Variants in USP50 observed in about 807,000 individuals in gnomAD.
The protein encoded by USP50 is ubiquitin specific peptidase 50.
USP50 carries 37 observed loss-of-function variants against 39.2 expected under a neutral mutation model. That is an observed-to-expected ratio of 0.94 (90% CI 0.73 to 1.24). The LOEUF (loss-of-function observed/expected upper bound fraction) is 1.24. USP50 is among the 50% of genes most tolerant of loss of function. The pLI is 0.00. For synonymous variants in USP50, 139 were observed against 144.5 expected, an observed-to-expected ratio of 0.96 and a Z score of 0.27; for missense variants, 374 against 398.2, an observed-to-expected ratio of 0.94 and a Z score of 0.52.
chr15:50,529,322 C>T (rs2052922046), intron 6 of USP50, among the ~76,000 whole-genome samples: 1 of 147,588 alleles, frequency 6.8e-6, no homozygotes, highest in Non-Finnish European at 1.5e-5. Flanking sequence ...CCAGCATGGG[C>T]AGCATAGTGA....
rs1402605761 is a variant in USP50 at position 50,543,606 on chromosome 15, G to A, written c.436C>T (p.Leu146=). The stretch of plus-strand genomic sequence containing the variant: ...TCATTAACTCTACTTACCTTTTTTA[G>A]AGCTTCATGAAGTTCATTTAGGACA... The part of the protein sequence containing the change: ...ICVLNELHEA[L]KKYHYSRRRS... Residue 146 remains leucine, a synonymous_variant, in exon 3 of 7, where the codon CTA becomes TTA. Transcript: ENST00000532404. The A allele has an allele frequency of 1.9e-5, 30 of 1,612,702 alleles. No homozygotes were observed. The highest frequency in any genetic ancestry group is 2.5e-5 in the Non-Finnish European group (29 of 1,179,354).
chr15:50,544,617 A>T lies in USP50; in HGVS notation c.218T>A (p.Leu73His), dbSNP rs368144464. The T allele has an allele frequency of 3.7e-6, 6 of 1,613,604 alleles. No individual in the cohort carries two copies. The highest frequency in any genetic ancestry group is 5.1e-6 in the Non-Finnish European group (6 of 1,179,826). ...CSILPLVEYF[L>H]TGKYITALQN... ...CAGAGCGGTGATATACTTCCCGGTG[A>T]GAAAGTATTCCACCAGCGGCAAGAT... The change falls in exon 2 of 7, where the codon CTC (leucine) becomes CAC (histidine). Residue 73 changes from leucine (L) to histidine (H), a missense_variant. By Grantham distance (99) the Leu-to-His change is moderately conservative. Coordinates refer to ENST00000532404, the MANE Select transcript of USP50 (RefSeq NM_203494.5).
intron 5 of USP50, among the ~76,000 whole-genome samples, chr15:50,536,805 A>C (rs985230478): frequency 2.0e-5 from 3 of 152,190 alleles, no homozygotes; most frequent in African/African-American, 7.2e-5. Flanking sequence ...AGAGGAACCT[A>C]AATAGAGAGA....
At chr15:50,498,929 C>T, downstream of USP50, 2 of 1,612,820 alleles carry the variant, frequency 1.2e-6, no homozygotes, top group South Asian at 2.2e-5. Flanking sequence ...TGGATGGAGG[C>T]CACTACACAG....
At chr15:50,544,212 A>T (rs78477441) in intron 2 of USP50, among the ~76,000 whole-genome samples, 1 of 151,850 alleles carries the variant, frequency 6.6e-6, no homozygotes, top group Non-Finnish European at 1.5e-5. Context: ...TACAAAAAAA[A>T]TTAGCCAGGC....
At chr15:50,531,424 T>G (rs1423886775) in intron 5 of USP50, among the ~76,000 whole-genome samples, 1 of 151,968 alleles carries the variant, frequency 6.6e-6, no homozygotes, top group African/African-American at 2.4e-5. Flanking sequence ...CACAAAAGAA[T>G]CATGCTAAGT....
chr15:50,525,516 A>ATGTGTGTGTGTATATATT (rs1199076808), intron 6 of USP50, among the ~76,000 whole-genome samples: 1 of 109,972 alleles, frequency 9.1e-6, no homozygotes. Context: ...GTGTATATAT[A>ATGTGTGTGTGTATATATT]TGTATATATG....
At chr15:50,544,540 G>A (rs1324325405) in intron 2 of USP50, 47 bp downstream of exon 2, 1 of 1,552,472 alleles carries the variant, frequency 6.4e-7, no homozygotes, top group Non-Finnish European at 8.8e-7. Flanking sequence ...TCATCTGTGG[G>A]GAAGTGGGGG....
At chr15:50,540,713 T>C (rs2053021053) in intron 4 of USP50, among the ~76,000 whole-genome samples, 1 of 152,090 alleles carries the variant, frequency 6.6e-6, no homozygotes. Context: ...AACCTCCGCC[T>C]CCCAGGTTCA....
chr15:50,501,162 A>G (rs1325590023), intron 6 of USP50: 2 of 247,104 alleles, frequency 8.1e-6, no homozygotes, highest in Admixed American at 9.4e-5. Flanking sequence ...AAATTTTACA[A>G]TAAGAAGATA....
At chr15:50,513,871 A>C (rs974237325) in intron 6 of USP50, 1 of 152,156 alleles carries the variant, frequency 6.6e-6, no homozygotes, top group African/African-American at 2.4e-5. Context: ...GTATGTACTA[A>C]AGCCAGACAT....
In USP50 at chr15:50,544,580, G is replaced by A; in HGVS notation, c.248+7C>T. The A allele has an allele frequency of 6.2e-7, 1 of 1,610,910 alleles. No individual in the cohort carries two copies. Among genetic ancestry groups the A allele is most frequent in the South Asian group, 1.1e-5 (1 of 90,634 alleles). On this transcript the variant is annotated splice_region_variant and intron_variant, in intron 2 of 6. Coordinates refer to ENST00000532404, the MANE Select transcript of USP50 (RefSeq NM_203494.5). ...GGCTGGGCTGCAGGGAATGCAAATGGTCTTACTTTTGCAGAGCGGTGATAT... is the reference window on the plus strand; with the variant it reads ...GGCTGGGCTGCAGGGAATGCAAATGATCTTACTTTTGCAGAGCGGTGATAT...
chr15:50,525,566 A>ATATATG (rs1335699836), intron 6 of USP50, among the ~76,000 whole-genome samples: 46 of 126,282 alleles, frequency 3.6e-4, no homozygotes, highest in African/African-American at 7.1e-4. Context: ...GTATATATGT[A>ATATATG]TATATGTATA....
At chr15:50,537,418 A>C (rs2052988188) in intron 5 of USP50, among the ~76,000 whole-genome samples, 1 of 152,156 alleles carries the variant, frequency 6.6e-6, no homozygotes, top group Non-Finnish European at 1.5e-5. Flanking sequence ...ACAACACGAA[A>C]GGCCTGCTTT....
intron 6 of USP50, chr15:50,504,529 CA>C (rs2052631331): frequency 6.6e-6 from 1 of 151,972 alleles, no homozygotes; most frequent in Admixed American, 6.6e-5. Context: ...TCTCAAAAAA[CA>C]AAAACAAAAA....
chr15:50,541,603 T>C (rs2053030632), intron 3 of USP50, among the ~76,000 whole-genome samples: 1 of 152,192 alleles, frequency 6.6e-6, no homozygotes, highest in African/African-American at 2.4e-5. Flanking sequence ...AGTTTTGGAT[T>C]CAGACAATAG....
chr15:50,531,904 A>G (rs1044912814), intron 5 of USP50: 2 of 269,546 alleles, frequency 7.4e-6, no homozygotes, highest in Admixed American at 4.3e-5. Context: ...ACCGAAAGGA[A>G]AATAAACAGC....
chr15:50,497,115 A>G (rs1333383451), downstream of USP50: 3 of 1,605,596 alleles, frequency 1.9e-6, no homozygotes, highest in Non-Finnish European at 2.5e-6. Context: ...TTTCCAAAGA[A>G]GAAAAACTCA....
At position 50,495,484 on chromosome 15, in the gene USP50, G is replaced by GT. The variant is rs778849183; in HGVS notation, n.185-1355_185-1354insA. On this transcript the variant is annotated intron_variant and non_coding_transcript_variant, in intron 1 of 1. Transcript: ENST00000560159. ...GCTTTTTCTTTTTTTAGTAGAGATT[G>GT]GAGGGGGGGGTCTCACTATGTTGCA... is the stretch of plus-strand genomic sequence containing the variant. 6.1e-5 allele frequency among the ~76,000 whole-genome samples: 7 copies of GT among 115,408 alleles called. 1 individual carries two copies. Among genetic ancestry groups the GT allele is most frequent in the African/African-American group, 9.0e-5 (2 of 22,140 alleles). The allele number at this position is 115,408 out of a possible 152,430, so 75.7% of individuals were successfully genotyped here. A position where few individuals can be genotyped will look rare whatever the true frequency, so the allele number is the denominator to read the frequency against.
Sources: allele counts gnomAD v4.1 joint callset (sites outside exome capture counted in the v4.1 genomes callset), GRCh38; gene constraint gnomAD v4.1.1; transcripts MANE v1.5; gene names NCBI Gene and HGNC (gene_info 2026-07-23, HGNC 2026-07-21).